The following PLCB4 variants were observed in gnomAD, a reference collection of about 807,000 sequenced individuals.
PLCB4 encodes the protein 1-phosphatidylinositol 4,5-bisphosphate phosphodiesterase beta-4.
A neutral mutation model predicts 178.8 loss-of-function variants in PLCB4; 77 were observed. The observed-to-expected ratio is 0.43, with a 90% CI of 0.36 to 0.52. The LOEUF (loss-of-function observed/expected upper bound fraction) is 0.52, where lower values mean the gene tolerates loss of function less well. Among genes scored for constraint, PLCB4 ranks in the 20% least tolerant of loss-of-function variants. The pLI is 0.00. For missense variants in PLCB4, 1,024 were observed against 1,453.4 expected (o/e 0.70, Z 4.80); for synonymous variants, 496 against 490.8 (o/e 1.01, Z -0.14).
At chr20:9,297,777 G>C (rs6133693) in intron 3 of PLCB4, among the ~76,000 whole-genome samples, 14,824 of 152,064 alleles carry the variant, frequency 0.097, 1,233 homozygotes, top group East Asian at 0.32. Context: ...TACGATTTCA[G>C]CTCCTTGATG....
At chr20:9,367,825 TAC>T (rs912380044) in intron 9 of PLCB4, among the ~76,000 whole-genome samples, 1 of 152,242 alleles carries the variant, frequency 6.6e-6, no homozygotes, top group African/African-American at 2.4e-5. Flanking sequence ...ACAAAATTAT[TAC>T]CACCTTTTTG....
chr20:9,158,177 T>G (rs1449122825), intron 2 of PLCB4, among the ~76,000 whole-genome samples: 3 of 152,202 alleles, frequency 2.0e-5, no homozygotes, highest in African/African-American at 4.8e-5. Flanking sequence ...ACAAGTATTT[T>G]CAAACAGTGT....
intron 2 of PLCB4, among the ~76,000 whole-genome samples, chr20:9,111,889 C>A (rs938296319): frequency 6.6e-6 from 1 of 152,034 alleles, no homozygotes; most frequent in South Asian, 2.1e-4. Flanking sequence ...AGTATTTTTT[C>A]CACTATGAAG....
chr20:9,080,869 C>G (rs1392017283), intron 1 of PLCB4, among the ~76,000 whole-genome samples: 1 of 152,180 alleles, frequency 6.6e-6, no homozygotes, highest in Non-Finnish European at 1.5e-5. Context: ...AACTTCACTC[C>G]AAACTTGTGT....
chr20:9,075,065 C>T (rs2089782711), intron 1 of PLCB4, among the ~76,000 whole-genome samples: 1 of 152,090 alleles, frequency 6.6e-6, no homozygotes, highest in Admixed American at 6.5e-5. Context: ...TTATTTAATA[C>T]TTCTGACAGC....
At position 9,277,900 on chromosome 20, in the gene PLCB4, C is replaced by T. The variant is rs2094463442; in HGVS notation, c.-15-29900C>T. Reference sequence around the variant, plus strand: ...GTTTTGTTCACTTGATCATTTTGCCCTGTGTCTGTGATTTCCCTTAGAATA... The same window carrying T: ...GTTTTGTTCACTTGATCATTTTGCCTTGTGTCTGTGATTTCCCTTAGAATA... On this transcript the variant is annotated intron_variant, in intron 3 of 39. Coordinates refer to ENST00000378473, the MANE Select transcript of PLCB4 (RefSeq NM_001377142.1). 1.3e-5 allele frequency among the ~76,000 whole-genome samples: 2 copies of T among 152,006 alleles called. 1 individual carries two copies. Among genetic ancestry groups the T allele is most frequent in the African/African-American group, 4.8e-5 (2 of 41,416 alleles).
At chr20:9,131,686 A>G (rs16995573) in intron 2 of PLCB4, among the ~76,000 whole-genome samples, 7,433 of 152,320 alleles carry the variant, frequency 0.049, 257 homozygotes, top group Non-Finnish European at 0.075. Context: ...TGTTCCAACC[A>G]TGGTAGACTG....
intron 20 of PLCB4, among the ~76,000 whole-genome samples, chr20:9,402,063 T>TA (rs1321341583): frequency 3.2e-4 from 49 of 152,240 alleles, no homozygotes; most frequent in Non-Finnish European, 6.3e-4. Context: ...TATACTTACC[T>TA]TTTGTCAGGC....
At chr20:9,074,399 A>C (rs1418459544) in intron 1 of PLCB4, among the ~76,000 whole-genome samples, 1 of 152,322 alleles carries the variant, frequency 6.6e-6, no homozygotes, top group African/African-American at 2.4e-5. Flanking sequence ...TGCCTTTCTT[A>C]TGCTCCTGAA....
At chr20:9,398,866 T>C (rs1210605711) in intron 19 of PLCB4, among the ~76,000 whole-genome samples, 1 of 152,148 alleles carries the variant, frequency 6.6e-6, no homozygotes, top group Non-Finnish European at 1.5e-5. Context: ...TTGCACATGA[T>C]CCCACAGCGG....
At position 9,459,615 on chromosome 20, in the gene PLCB4, G is replaced by A. The variant is rs370139390; in HGVS notation, c.3073-20G>A. ...GACCTATGAGGATTACAATGGCACC[G>A]TCCCCTTTTTCCCAAACAGGTCAAA... On this transcript the variant is annotated intron_variant, in intron 34 of 39. Transcript: ENST00000378473. The A allele has an allele frequency of 5.7e-5, 89 of 1,574,714 alleles. No homozygotes were observed. The East Asian group carries it at 6.1e-4, about 11-fold the overall frequency.
intron 1 of PLCB4, among the ~76,000 whole-genome samples, chr20:9,085,632 A>G (rs1317584819): frequency 1.3e-5 from 2 of 152,190 alleles, no homozygotes; most frequent in Non-Finnish European, 2.9e-5. Flanking sequence ...ATAAGGCAGC[A>G]TAAGTGGGCA....
intron 3 of PLCB4, among the ~76,000 whole-genome samples, chr20:9,261,273 C>G (rs921599165): frequency 2.6e-5 from 4 of 151,864 alleles, no homozygotes; most frequent in Admixed American, 2.6e-4. Context: ...TACTTCTTCT[C>G]TAATCATATA....
intron 2 of PLCB4, among the ~76,000 whole-genome samples, chr20:9,203,284 A>G (rs1054900445): frequency 6.6e-6 from 1 of 151,940 alleles, no homozygotes; most frequent in Non-Finnish European, 1.5e-5. Flanking sequence ...CCAGTTTTCT[A>G]GACTATTTTG....
intron 2 of PLCB4, among the ~76,000 whole-genome samples, chr20:9,136,300 G>T (rs1198130895): frequency 6.6e-6 from 1 of 152,124 alleles, no homozygotes; most frequent in Admixed American, 6.6e-5. Context: ...ACCCGTAGGG[G>T]AGTGGAGGAA....
chr20:9,293,626 C>CATTA (rs2094603364), intron 3 of PLCB4, among the ~76,000 whole-genome samples: 1 of 141,152 alleles, frequency 7.1e-6, no homozygotes, highest in Non-Finnish European at 1.5e-5. Flanking sequence ...GTAAAATATT[C>CATTA]ATTCATTCAT....
chr20:9,083,608 A>G (rs1429106782), intron 1 of PLCB4, among the ~76,000 whole-genome samples: 1 of 152,268 alleles, frequency 6.6e-6, no homozygotes, highest in East Asian at 1.9e-4. Flanking sequence ...TCTCTCAGCA[A>G]TTCTGCAGGT....
At chr20:9,380,787 C>T (rs75813007) in intron 13 of PLCB4, among the ~76,000 whole-genome samples, 4,385 of 152,114 alleles carry the variant, frequency 0.029, 209 homozygotes, top group African/African-American at 0.099. Flanking sequence ...GAAATGCCTG[C>T]GGAACATGGG....
intron 2 of PLCB4, among the ~76,000 whole-genome samples, chr20:9,197,452 T>C (rs2093486367): frequency 6.6e-6 from 1 of 152,252 alleles, no homozygotes; most frequent in Non-Finnish European, 1.5e-5. Context: ...AATTTTTGTG[T>C]AATATATGGA....
Sources: gnomAD v4.1 joint callset for allele counts (sites outside exome capture counted in the v4.1 genomes callset) on GRCh38, gnomAD v4.1.1 for gene constraint, MANE v1.5 for transcripts, NCBI Gene and HGNC (gene_info 2026-07-23, HGNC 2026-07-21) for gene names.